The following PAK2 variants were observed in gnomAD, a reference collection of about 807,000 sequenced individuals.
The protein encoded by PAK2 is p21 (RAC1) activated kinase 2, also known as serine/threonine-protein kinase PAK 2.
Under a neutral mutation model 65.9 loss-of-function variants are expected in PAK2, and 21 were observed. That is an observed-to-expected ratio of 0.32 (90% CI 0.23 to 0.46). The LOEUF (loss-of-function observed/expected upper bound fraction) is 0.46. PAK2 is among the 20% of genes least tolerant of loss of function. PAK2 has a pLI of 1.00. For synonymous variants in PAK2, 204 were observed against 219.7 expected (o/e 0.93, Z 0.63); for missense variants, 324 against 642.6 (o/e 0.50, Z 5.36).
intron 1 of PAK2, among the ~76,000 whole-genome samples, chr3:196,756,156 T>A (rs1713762465): frequency 6.6e-6 from 1 of 152,206 alleles, no homozygotes; most frequent in African/African-American, 2.4e-5. Context: ...GCCACTTGAC[T>A]TCCTTTACGC....
At chr3:196,746,065 G>T (rs1278898353) in intron 1 of PAK2, among the ~76,000 whole-genome samples, 2 of 151,106 alleles carry the variant, frequency 1.3e-5, no homozygotes, top group Non-Finnish European at 2.9e-5. Context: ...CTGACCTCGT[G>T]ATCCGCCTGC....
At chr3:196,802,210 C>G (rs1715441909) in intron 3 of PAK2, among the ~76,000 whole-genome samples, 183 bp downstream of exon 3, 2 of 151,886 alleles carry the variant, frequency 1.3e-5, no homozygotes, top group Admixed American at 1.3e-4. Context: ...ACCAGTGTGG[C>G]CAACATGGTG....
chr3:196,824,968 T>C (rs991031540), intron 13 of PAK2, among the ~76,000 whole-genome samples: 2 of 152,120 alleles, frequency 1.3e-5, no homozygotes, highest in Non-Finnish European at 2.9e-5. Flanking sequence ...AAACTCCACA[T>C]TGGGGAGGTT....
intron 14 of PAK2, among the ~76,000 whole-genome samples, chr3:196,827,712 C>G (rs1256209323): frequency 6.6e-6 from 1 of 152,106 alleles, no homozygotes; most frequent in Non-Finnish European, 1.5e-5. Flanking sequence ...TGTAACAAAC[C>G]TGCACGTTGT....
chr3:196,795,710 A>C (rs1327820008), intron 2 of PAK2, among the ~76,000 whole-genome samples: 1 of 152,238 alleles, frequency 6.6e-6, no homozygotes, highest in African/African-American at 2.4e-5. Flanking sequence ...AGGAGGACAC[A>C]GAATTTTAAA....
chr3:196,767,693 A>G (rs960343166), intron 1 of PAK2, among the ~76,000 whole-genome samples: 2 of 152,046 alleles, frequency 1.3e-5, no homozygotes, highest in African/African-American at 4.8e-5. Flanking sequence ...ACGGGGTTTC[A>G]TCATGTTAGC....
intron 13 of PAK2, among the ~76,000 whole-genome samples, chr3:196,822,239 C>G (rs964587369): frequency 3.9e-5 from 6 of 152,288 alleles, no homozygotes; most frequent in Middle Eastern, 3.4e-3. Flanking sequence ...ACAATGCTGT[C>G]TAAAAGAACC....
chr3:196,775,291 G>A (rs73074630), intron 1 of PAK2, among the ~76,000 whole-genome samples: 2,839 of 152,234 alleles, frequency 0.019, 89 homozygotes, highest in African/African-American at 0.063. Flanking sequence ...AAAACACAAC[G>A]CTGTGGTTCC....
intron 12 of PAK2, 25 bp downstream of exon 12, chr3:196,818,181 A>C: frequency 1.2e-6 from 1 of 851,520 alleles, no homozygotes; most frequent in Non-Finnish European, 2.0e-6. Context: ...GACAATTCAC[A>C]ATCATTTATT....
intron 1 of PAK2, among the ~76,000 whole-genome samples, chr3:196,780,812 C>T (rs183560028): frequency 1.5e-4 from 23 of 152,030 alleles, no homozygotes; most frequent in Admixed American, 3.9e-4. Context: ...TTTTTTGAGA[C>T]AGAGTCTTGC....
intron 2 of PAK2, among the ~76,000 whole-genome samples, chr3:196,784,676 G>A (rs1178268550): frequency 1.1e-3 from 153 of 144,820 alleles, no homozygotes; most frequent in African/African-American, 3.7e-3. Context: ...GAATAATGCC[G>A]CAATAAACAT....
chr3:196,760,772 G>A (rs368162696), intron 1 of PAK2, among the ~76,000 whole-genome samples: 2 of 152,136 alleles, frequency 1.3e-5, no homozygotes, highest in African/African-American at 2.4e-5. Flanking sequence ...TGTTTATAAC[G>A]GCCTTAAACT....
At position 196,812,391 on chromosome 3, in the gene PAK2, C is replaced by T. The variant is rs151104446; in HGVS notation, c.822+124C>T. The T allele has an allele frequency of 3.2e-3, 2,291 of 709,322 alleles. 14 individuals carry two copies. Among genetic ancestry groups the T allele is most frequent in the Non-Finnish European group, 3.7e-3 (1,430 of 388,288 alleles). 43.9% of individuals were successfully genotyped at this position (709,322 alleles called of 1,614,324 possible). On this transcript the variant is annotated intron_variant, in intron 9 of 14. Coordinates refer to ENST00000327134, the MANE Select transcript of PAK2 (RefSeq NM_002577.4). ...TGAGCCCGTTGTAAGAATCGCTCTA[C>T]GTATGTTTATAGCACTTCTGTCAGT...
rs192866006 is a variant in PAK2 at position 196,782,014 on chromosome 3, G to A, written c.-21-612G>A. 5.3e-5 allele frequency among the ~76,000 whole-genome samples: 8 copies of A among 152,312 alleles called. No homozygotes were observed. In the East Asian group the frequency reaches 7.7e-4, roughly 15 times the overall value. ...CCACCTACTCAGGAGGCTGAGGCAG[G>A]AGGATTGCTTGAACCTGGGAGGTAG... On this transcript the variant is annotated intron_variant, in intron 1 of 14. Coordinates refer to ENST00000327134, the MANE Select transcript of PAK2 (RefSeq NM_002577.4).
intron 1 of PAK2, among the ~76,000 whole-genome samples, chr3:196,740,684 G>C (rs1329069487): frequency 6.6e-6 from 1 of 152,102 alleles, no homozygotes; most frequent in Non-Finnish European, 1.5e-5. Context: ...TTCCACATTG[G>C]TAAAAACGTA....
intron 9 of PAK2, among the ~76,000 whole-genome samples, chr3:196,812,476 TC>T (rs1715861035): frequency 6.6e-6 from 1 of 152,160 alleles, no homozygotes; most frequent in Admixed American, 6.6e-5. Flanking sequence ...AAAAATTGTT[TC>T]CTCAGCTTGA....
chr3:196,765,469 T>C (rs1405886159), intron 1 of PAK2, among the ~76,000 whole-genome samples: 1 of 152,170 alleles, frequency 6.6e-6, no homozygotes, highest in East Asian at 1.9e-4. Flanking sequence ...TCTAAAGTAG[T>C]TTTGCCAGTT....
chr3:196,749,434 C>G (rs745804529), intron 1 of PAK2, among the ~76,000 whole-genome samples: 24 of 152,046 alleles, frequency 1.6e-4, no homozygotes, highest in Admixed American at 3.3e-4. Context: ...TAGTAGCCAT[C>G]CTAATGGGTA....
intron 1 of PAK2, among the ~76,000 whole-genome samples, chr3:196,751,668 TATATAC>T (rs1196306316): frequency 4.1e-5 from 1 of 24,590 alleles, no homozygotes; most frequent in African/African-American, 2.5e-4. Context: ...CAAATTTATT[TATATAC>T]ATATATATAT....
Sources: gnomAD v4.1 joint callset for allele counts (sites outside exome capture counted in the v4.1 genomes callset) on GRCh38, gnomAD v4.1.1 for gene constraint, MANE v1.5 for transcripts, NCBI Gene and HGNC (gene_info 2026-07-23, HGNC 2026-07-21) for gene names.